Variants in MYO9B observed in about 807,000 individuals in gnomAD.
The protein encoded by MYO9B is myosin IXB, also known as unconventional myosin-IXb.
In MYO9B, 71 loss-of-function variants were observed where a neutral mutation model predicts 229.5. The observed-to-expected ratio is 0.31, with a 90% CI of 0.26 to 0.38. MYO9B has a LOEUF of 0.38. MYO9B is among the 10% of genes least tolerant of loss of function. The pLI is 1.00. For missense variants in MYO9B, 2,255 were observed against 2,920.5 expected (o/e 0.77, Z 5.25); for synonymous variants, 1,185 against 1,235.8 (o/e 0.96, Z 0.86).
chr19:17,198,930 G>A (rs1324338178), intron 24 of MYO9B, among the ~76,000 whole-genome samples: 1 of 152,140 alleles, frequency 6.6e-6, no homozygotes, highest in Non-Finnish European at 1.5e-5. Context: ...AATGGATGCA[G>A]TAGGTCACGC....
chr19:17,101,644 C>T lies in MYO9B; in HGVS notation c.-58-16C>T. 6.8e-7 allele frequency: 1 copy of T among 1,469,348 alleles called. No individual in the cohort carries two copies. Among genetic ancestry groups the T allele is most frequent in the Non-Finnish European group, 9.0e-7 (1 of 1,114,334 alleles). The allele number at this position is 1,469,348 out of a possible 1,614,324, so 91.0% of individuals were successfully genotyped here. A position where few individuals can be genotyped will look rare whatever the true frequency, so the allele number is the denominator to read the frequency against. ...CCCACCATTCTGACCATGCCTGGCT[C>T]TGACCTCCCTTCTAGCTCCAGGACA... On this transcript the variant is annotated splice_polypyrimidine_tract_variant and intron_variant, in intron 1 of 39. Transcript: ENST00000682292. This position sits in a 1 kb window ranked among gnomAD's most constrained non-coding sequence, Gnocchi z 4.7.
In MYO9B at chr19:17,209,467, C is replaced by A. The variant is rs899437296; in HGVS notation, c.5625-119C>A. ...GGAGCTGGCACAGCCGTGTCCCAGG[C>A]ACTGCTTGGTCTCTGAGCCTCAACC... On this transcript the variant is annotated intron_variant, in intron 35 of 39. Coordinates refer to ENST00000682292, the MANE Select transcript of MYO9B (RefSeq NM_004145.4). The A allele has an allele frequency of 1.4e-4, 154 of 1,065,168 alleles. 2 individuals carry two copies. Among genetic ancestry groups the A allele is most frequent in the Non-Finnish European group, 1.1e-4 (79 of 740,730 alleles). The allele number at this position is 1,065,168 out of a possible 1,614,324, so 66.0% of individuals were successfully genotyped here.
At chr19:17,134,782 G>A (rs769937825) in intron 2 of MYO9B, among the ~76,000 whole-genome samples, 6 of 150,988 alleles carry the variant, frequency 4.0e-5, no homozygotes, top group Non-Finnish European at 7.4e-5. Context: ...GTTTTTTTTC[G>A]AGACGGAGTC....
At chr19:17,110,294 T>A (rs2057835215) in intron 2 of MYO9B, among the ~76,000 whole-genome samples, 1 of 152,200 alleles carries the variant, frequency 6.6e-6, no homozygotes, top group African/African-American at 2.4e-5. Context: ...TGCAGTTAAC[T>A]GTTGCCATCA....
intron 2 of MYO9B, among the ~76,000 whole-genome samples, chr19:17,106,405 G>A (rs1487424599): frequency 6.6e-6 from 1 of 152,188 alleles, no homozygotes. Context: ...GGTAGAACTC[G>A]GGGAAGACTC....
chr19:17,211,826 C>A (rs1024867781), intron 39 of MYO9B, 52 bp downstream of exon 39: 2 of 1,610,534 alleles, frequency 1.2e-6, no homozygotes, highest in Non-Finnish European at 8.5e-7. Flanking sequence ...TCCCAGCAGG[C>A]CCCAGGGCGA....
At chr19:17,142,164 T>A (rs61166126) in intron 2 of MYO9B, among the ~76,000 whole-genome samples, 1 of 104,652 alleles carries the variant, frequency 9.6e-6, no homozygotes. Flanking sequence ...GACCCTGCCT[T>A]TTAAAAAAAA....
chr19:17,096,318 G>A (rs2057688052), intron 1 of MYO9B, among the ~76,000 whole-genome samples: 1 of 152,068 alleles, frequency 6.6e-6, no homozygotes, highest in African/African-American at 2.4e-5. Flanking sequence ...GGAATTGCAG[G>A]GTCACGTGCT....
chr19:17,084,729 A>G (rs566480460), intron 1 of MYO9B, among the ~76,000 whole-genome samples: 4 of 151,894 alleles, frequency 2.6e-5, no homozygotes, highest in South Asian at 2.1e-4. Flanking sequence ...AAAAAAGAAA[A>G]AAAGAAAAAC....
At chr19:17,209,901 G>A (rs1356966385) in intron 36 of MYO9B, among the ~76,000 whole-genome samples, 192 bp downstream of exon 36, 2 of 152,060 alleles carry the variant, frequency 1.3e-5, no homozygotes, top group Non-Finnish European at 2.9e-5. Context: ...GTAGCAGGGC[G>A]GGGCCTCCCT....
rs553978123 is a variant in MYO9B at position 17,125,673 on chromosome 19, A to G, written c.841-19724A>G. 1.1e-4 allele frequency among the ~76,000 whole-genome samples: 16 copies of G among 152,178 alleles called. No individual in the cohort carries two copies. The South Asian group carries it at 3.3e-3, about 32-fold the overall frequency. ...GTAATGCCATCTGCGTCTGTGGCTG[A>G]CAGTTGGTGTCTCTTGTGAACTGGG... On this transcript the variant is annotated intron_variant, in intron 2 of 39. Coordinates refer to ENST00000682292, the MANE Select transcript of MYO9B (RefSeq NM_004145.4).
chr19:17,133,081 T>G lies in MYO9B; in HGVS notation c.841-12316T>G, dbSNP rs955991521. The stretch of plus-strand genomic sequence containing the variant: ...CAGGATGGTCTCGATGTCCTGACCT[T>G]GTGATCCGCCTGTCTCAGCCTCCCA... On this transcript the variant is annotated intron_variant, in intron 2 of 39. Transcript: ENST00000682292. 4.0e-5 allele frequency among the ~76,000 whole-genome samples: 6 copies of G among 151,548 alleles called. No homozygotes were observed. The East Asian group carries it at 1.2e-3, about 30-fold the overall frequency.
chr19:17,198,758 G>C (rs959059021), intron 24 of MYO9B, among the ~76,000 whole-genome samples: 1,227 of 120,416 alleles, frequency 0.01, 7 homozygotes, highest in Non-Finnish European at 0.014. Context: ...AAAAAAAAAA[G>C]CCTCTAGGGC....
At chr19:17,146,689 G>A (rs1034153667) in intron 3 of MYO9B, among the ~76,000 whole-genome samples, 3 of 152,106 alleles carry the variant, frequency 2.0e-5, no homozygotes, top group East Asian at 1.9e-4. Context: ...GTCAATTAGC[G>A]AATGGATAGA....
At chr19:17,192,539 G>A (rs562557719) in intron 20 of MYO9B, among the ~76,000 whole-genome samples, 1 of 152,196 alleles carries the variant, frequency 6.6e-6, no homozygotes, top group African/African-American at 2.4e-5. Context: ...AGGTTGCAGT[G>A]AGCCGAGATC....
chr19:17,199,852 A>ATTTTTG (rs1320913260), intron 24 of MYO9B, among the ~76,000 whole-genome samples: 1 of 145,724 alleles, frequency 6.9e-6, no homozygotes, highest in African/African-American at 2.5e-5. Context: ...AGCCAGATCC[A>ATTTTTG]TTTTTGTTTT....
chr19:17,088,700 A>T (rs987628422), intron 1 of MYO9B, among the ~76,000 whole-genome samples: 6 of 151,852 alleles, frequency 4.0e-5, no homozygotes, highest in African/African-American at 9.7e-5. Context: ...TGTGTGTGTG[A>T]GAGAGAGAGA....
intron 2 of MYO9B, among the ~76,000 whole-genome samples, chr19:17,136,679 C>T (rs1161472560): frequency 1.3e-5 from 2 of 152,112 alleles, no homozygotes; most frequent in Non-Finnish European, 2.9e-5. Context: ...GGATGGTTCA[C>T]CCTCAAAAAG....
chr19:17,172,981 A>C lies in MYO9B; in HGVS notation c.2140+18A>C. On this transcript the variant is annotated intron_variant, in intron 13 of 39. Transcript: ENST00000682292. This position sits in a 1 kb window ranked among gnomAD's most constrained non-coding sequence, Gnocchi z 8.2. The stretch of plus-strand genomic sequence containing the variant: ...GGCTGCAGGTGGGAGCTGGGGCGTG[A>C]ACCCACAAAAGCGTCACTGTCGAGA... The C allele has an allele frequency of 6.3e-7, 1 of 1,595,068 alleles. No homozygotes were observed. The highest frequency in any genetic ancestry group is 8.5e-7 in the Non-Finnish European group (1 of 1,177,874).
Sources: allele counts gnomAD v4.1 joint callset (sites outside exome capture counted in the v4.1 genomes callset), GRCh38; gene constraint gnomAD v4.1.1; non-coding constraint Gnocchi (gnomAD v3.1); transcripts MANE v1.5; gene names NCBI Gene and HGNC (gene_info 2026-07-23, HGNC 2026-07-21).